CCDC68: variants seen among roughly 807,000 people sequenced by gnomAD.
The protein encoded by CCDC68 is coiled-coil domain containing 68.
In CCDC68, 45 loss-of-function variants were observed where a neutral mutation model predicts 47.1. The ratio of observed to expected loss-of-function variants is 0.96; its 90% CI spans 0.75 to 1.23. CCDC68 has a LOEUF of 1.23. CCDC68 is among the 50% of genes most tolerant of loss of function. The pLI, the probability that CCDC68 is intolerant of heterozygous loss-of-function variation, is 0.00. For synonymous variants in CCDC68, 131 were observed against 129.5 expected (o/e 1.01, Z -0.08); for missense variants, 353 against 373.6 (o/e 0.94, Z 0.45).
At chr18:54,914,293 T>C (rs888034515) in intron 10 of CCDC68, among the ~76,000 whole-genome samples, 13 of 152,170 alleles carry the variant, frequency 8.5e-5, no homozygotes, top group African/African-American at 3.1e-4. Context: ...CTGTTATTAT[T>C]TGAAGCCTTT....
intron 11 of CCDC68, among the ~76,000 whole-genome samples, chr18:54,906,933 A>C (rs1914045433): frequency 6.6e-6 from 1 of 152,242 alleles, no homozygotes; most frequent in Non-Finnish European, 1.5e-5. Flanking sequence ...TAAAGAGAGA[A>C]GAATCTTCCT....
At chr18:54,907,763 G>A (rs772010430) in intron 11 of CCDC68, 23 bp downstream of exon 11, 49 of 1,356,988 alleles carry the variant, frequency 3.6e-5, no homozygotes, top group Non-Finnish European at 5.0e-5. Context: ...TGAAGACAGG[G>A]TGGAAGAGGA....
At chr18:54,917,730 A>G (rs543379776) in intron 10 of CCDC68, among the ~76,000 whole-genome samples, 183 bp downstream of exon 10, 2 of 152,154 alleles carry the variant, frequency 1.3e-5, no homozygotes, top group African/African-American at 4.8e-5. Flanking sequence ...ACACAGTCAC[A>G]CAGACACTCA....
chr18:54,914,061 G>C (rs1259168072), intron 10 of CCDC68, among the ~76,000 whole-genome samples: 1 of 152,158 alleles, frequency 6.6e-6, no homozygotes, highest in African/African-American at 2.4e-5. Flanking sequence ...GTATAAGTAA[G>C]ATGAAATCAG....
chr18:54,906,818 A>T (rs1319362170), intron 11 of CCDC68, among the ~76,000 whole-genome samples: 2 of 152,220 alleles, frequency 1.3e-5, no homozygotes, highest in Non-Finnish European at 2.9e-5. Context: ...TCTAACAAGC[A>T]TCTGGAGGCC....
chr18:54,926,245 T>A (rs1202680262), intron 8 of CCDC68, among the ~76,000 whole-genome samples: 2 of 152,220 alleles, frequency 1.3e-5, no homozygotes, highest in Non-Finnish European at 2.9e-5. Flanking sequence ...GAAAGAGGTT[T>A]AGTTGATTCA....
chr18:54,916,602 C>CA (rs2043956272), intron 10 of CCDC68, among the ~76,000 whole-genome samples: 1 of 152,074 alleles, frequency 6.6e-6, no homozygotes, highest in Non-Finnish European at 1.5e-5. Flanking sequence ...TTGACAGAGA[C>CA]AGAAGCAGAG....
intron 1 of CCDC68, chr18:54,954,437 C>A (rs1474799149): frequency 6.6e-6 from 1 of 152,178 alleles, no homozygotes; most frequent in East Asian, 1.9e-4. Flanking sequence ...CAGCATCCTA[C>A]CAAAATCCAG....
intron 8 of CCDC68, among the ~76,000 whole-genome samples, chr18:54,925,421 A>G (rs1259124392): frequency 6.6e-6 from 1 of 152,216 alleles, no homozygotes; most frequent in African/African-American, 2.4e-5. Context: ...ACATGTTTAA[A>G]TCTTTATAAA....
At chr18:54,938,171 T>C in intron 4 of CCDC68, 74 bp from the exon 5 acceptor site, 1 of 1,449,496 alleles carries the variant, frequency 6.9e-7, no homozygotes, top group Non-Finnish European at 9.3e-7. Flanking sequence ...TAATGATCAT[T>C]TAGTATTACA....
intron 8 of CCDC68, among the ~76,000 whole-genome samples, chr18:54,923,953 C>G (rs2044104617): frequency 6.6e-6 from 1 of 152,052 alleles, no homozygotes; most frequent in Non-Finnish European, 1.5e-5. Flanking sequence ...CCCACCTCAG[C>G]CTCCCAAAGT....
intron 1 of CCDC68, among the ~76,000 whole-genome samples, chr18:54,955,869 C>A (rs1287326245): frequency 6.6e-6 from 1 of 151,984 alleles, no homozygotes; most frequent in East Asian, 1.9e-4. Flanking sequence ...AGGCGCATGC[C>A]ACCACACACA....
At chr18:54,954,157 G>C (rs2044673392) in intron 1 of CCDC68, among the ~76,000 whole-genome samples, 1 of 151,412 alleles carries the variant, frequency 6.6e-6, no homozygotes. Flanking sequence ...CCAGGTTCAA[G>C]CAATTCTCCT....
chr18:54,935,503 T>C (rs1242257687), intron 6 of CCDC68, among the ~76,000 whole-genome samples: 2 of 152,242 alleles, frequency 1.3e-5, no homozygotes, highest in Non-Finnish European at 2.9e-5. Context: ...TAACAAAGCT[T>C]GACATTTCAC....
chr18:54,956,254 C>T (rs1438542361), intron 1 of CCDC68, among the ~76,000 whole-genome samples: 2 of 152,218 alleles, frequency 1.3e-5, no homozygotes, highest in African/African-American at 4.8e-5. Flanking sequence ...TCCCAAAATG[C>T]TGGGATTATA....
intron 1 of CCDC68, among the ~76,000 whole-genome samples, chr18:54,948,135 C>T (rs1205607060): frequency 1.3e-5 from 2 of 152,152 alleles, no homozygotes; most frequent in Non-Finnish European, 2.9e-5. Flanking sequence ...AAAGTCCTAA[C>T]CCCCAGTTCC....
chr18:54,954,803 C>T (rs2044684315), intron 1 of CCDC68: 1 of 152,026 alleles, frequency 6.6e-6, no homozygotes, highest in Admixed American at 6.6e-5. Flanking sequence ...AGGTGTATTA[C>T]CAAACAAGAT....
At chr18:54,910,593 G>A (rs1914300176) in intron 10 of CCDC68, among the ~76,000 whole-genome samples, 1 of 152,214 alleles carries the variant, frequency 6.6e-6, no homozygotes, top group Admixed American at 6.5e-5. Context: ...CTGGAGACCT[G>A]CCCCCTTCTG....
chr18:54,945,905 C>T (rs553225381), intron 1 of CCDC68, among the ~76,000 whole-genome samples: 1 of 152,222 alleles, frequency 6.6e-6, no homozygotes, highest in Non-Finnish European at 1.5e-5. Flanking sequence ...TGCTTGGAAG[C>T]CAGAGAGAGG....
Sources: allele counts gnomAD v4.1 joint callset (sites outside exome capture counted in the v4.1 genomes callset), GRCh38; gene constraint gnomAD v4.1.1; transcripts MANE v1.5; gene names NCBI Gene and HGNC (gene_info 2026-07-23, HGNC 2026-07-21).